Variants in TUT7 observed in about 807,000 individuals in gnomAD.
The protein encoded by TUT7 is terminal uridylyl transferase 7, also known as terminal uridylyltransferase 7.
Under a neutral mutation model 165.9 loss-of-function variants are expected in TUT7, and 33 were observed. The ratio of observed to expected loss-of-function variants is 0.20; its 90% CI spans 0.15 to 0.27. The LOEUF (loss-of-function observed/expected upper bound fraction) is 0.27, where lower values mean the gene tolerates loss of function less well. TUT7 is among the 10% of genes least tolerant of loss of function. The pLI is 1.00. For missense variants in TUT7, 1,338 were observed against 1,762.3 expected, an observed-to-expected ratio of 0.76 and a Z score of 4.31; for synonymous variants, 552 against 608.1, an observed-to-expected ratio of 0.91 and a Z score of 1.36.
chr9:86,330,091 C>T (rs791315), intron 10 of TUT7, among the ~76,000 whole-genome samples: 84,324 of 151,812 alleles, frequency 0.56, 23,635 homozygotes, highest in African/African-American at 0.56. Flanking sequence ...AGAGTCTCAC[C>T]CTGTTGCCCA....
At chr9:86,317,322 G>C in intron 16 of TUT7, 46 bp from the exon 17 acceptor site, 2 of 1,513,148 alleles carry the variant, frequency 1.3e-6, no homozygotes, top group Non-Finnish European at 1.8e-6. Context: ...CTGGAAGACA[G>C]GTTCTGAAAC....
rs1431434737 is a variant in TUT7 at position 86,288,502 on chromosome 9, A to G, written c.*175T>C. On this transcript the variant is annotated 3_prime_UTR_variant, in exon 27 of 27. Transcript: ENST00000375963. The stretch of plus-strand genomic sequence containing the variant: ...ATGGGGATGTGTGGTAGATAAGACT[A>G]TATTAAAAATTTTTCCTCATTAACA... 2.1e-6 allele frequency: 1 copy of G among 473,068 alleles called. No individual in the cohort carries two copies. The highest frequency in any genetic ancestry group is 1.9e-5 in the African/African-American group (1 of 51,864). 29.3% of individuals were successfully genotyped at this position (473,068 alleles called of 1,614,324 possible).
chr9:86,310,075 T>TA, intron 18 of TUT7, 58 bp from the exon 19 acceptor site: 1 of 1,462,888 alleles, frequency 6.8e-7, no homozygotes, highest in Non-Finnish European at 9.3e-7. Context: ...GGTCTCTTTT[T>TA]TTTTTTTGGT....
chr9:86,317,197 T>C, intron 17 of TUT7, 22 bp downstream of exon 17: 1 of 1,605,888 alleles, frequency 6.2e-7, no homozygotes. Context: ...GAAATATTTT[T>C]AGAAAAAGTT....
chr9:86,322,920 ACTGATC>A lies in TUT7; in HGVS notation c.2824_2829del (p.Asp942_Gln943del). 6.3e-7 allele frequency: 1 copy of A among 1,594,284 alleles called. No individual in the cohort carries two copies. Among genetic ancestry groups the A allele is most frequent in the Non-Finnish European group, 8.5e-7 (1 of 1,173,324 alleles). ...TTACTGAATTCATAAAAAAAATCAGACTGATCCACAGGTGAATTTTTTTCTTCACAT... is the reference window on the plus strand; with the variant it reads ...TTACTGAATTCATAAAAAAAATCAGACACAGGTGAATTTTTTTCTTCACAT... On this transcript the variant is annotated inframe_deletion, in exon 13 of 27. Coordinates refer to ENST00000375963, the MANE Select transcript of TUT7 (RefSeq NM_024617.4).
chr9:86,352,646 T>G (rs1564106832), intron 2 of TUT7, 34 bp downstream of exon 2: 2 of 1,612,180 alleles, frequency 1.2e-6, no homozygotes, highest in Non-Finnish European at 1.7e-6. Context: ...TTGCTGACTC[T>G]GGGGTTGTGA....
chr9:86,325,011 T>C (rs551662318), intron 12 of TUT7, among the ~76,000 whole-genome samples: 20 of 152,076 alleles, frequency 1.3e-4, no homozygotes, highest in Non-Finnish European at 2.9e-4. Flanking sequence ...GAGGTGAGAA[T>C]GGTAAAGAGG....
chr9:86,343,693 T>C (rs1245386417), intron 5 of TUT7, among the ~76,000 whole-genome samples: 2 of 152,204 alleles, frequency 1.3e-5, no homozygotes, highest in Non-Finnish European at 2.9e-5. Flanking sequence ...TCTCATTATA[T>C]TATGAACAAA....
intron 11 of TUT7, among the ~76,000 whole-genome samples, chr9:86,325,812 GGA>G (rs1168378342): frequency 2.0e-5 from 3 of 152,220 alleles, no homozygotes; most frequent in Non-Finnish European, 4.4e-5. Flanking sequence ...AATAACAGGT[GGA>G]GAGGACTGTG....
chr9:86,305,059 G>T, intron 23 of TUT7, 112 bp from the exon 24 acceptor site: 1 of 1,174,906 alleles, frequency 8.5e-7, no homozygotes, highest in Non-Finnish European at 1.2e-6. Context: ...ACTCTGGGAG[G>T]CTGGGGTAGG....
chr9:86,323,426 C>T lies in TUT7; in HGVS notation c.2324G>A (p.Cys775Tyr), dbSNP rs916094979. 3 of 1,614,112 alleles carry T rather than the reference C, an allele frequency of 1.9e-6. No individual in the cohort carries two copies. The highest frequency in any genetic ancestry group is 2.7e-5 in the African/African-American group (2 of 74,944). The change falls in exon 13 of 27, where the codon TGT becomes TAT. Residue 775 changes from cysteine (C) to tyrosine (Y), a missense_variant. Physicochemically the swap from Cys to Tyr is radical, Grantham distance 194. This residue lies in a region of TUT7 where 425 missense variants were observed against 474.9 expected (regional missense o/e 0.89). Coordinates refer to ENST00000375963, the MANE Select transcript of TUT7 (RefSeq NM_024617.4). ...VDQKRGEHVVCGSTRNNESES... is the reference protein window; with the variant it reads ...VDQKRGEHVVYGSTRNNESES... ...TGACTCATTATTACGTGTGCTGCCA[C>T]AGACAACATGCTCTCCACGTTTCTG...
chr9:86,330,531 A>T (rs933211244), intron 10 of TUT7, among the ~76,000 whole-genome samples: 4 of 152,218 alleles, frequency 2.6e-5, no homozygotes, highest in African/African-American at 9.6e-5. Context: ...TATTTTTCTC[A>T]ACTGGGTAGC....
intron 11 of TUT7, among the ~76,000 whole-genome samples, chr9:86,327,908 T>A (rs565288753): frequency 6.6e-6 from 1 of 152,334 alleles, no homozygotes; most frequent in Admixed American, 6.5e-5. Context: ...TTGTTTGAAA[T>A]TCTAATGGCT....
chr9:86,288,490 G>C lies in TUT7; in HGVS notation c.*187C>G, dbSNP rs769633910. 5.3e-5 allele frequency: 23 copies of C among 436,880 alleles called. No individual in the cohort carries two copies. The highest frequency in any genetic ancestry group is 9.0e-5 in the Non-Finnish European group (22 of 243,108). The allele number at this position is 436,880 out of a possible 1,614,324, so 27.1% of individuals were successfully genotyped here. On this transcript the variant is annotated 3_prime_UTR_variant, in exon 27 of 27. Coordinates refer to ENST00000375963, the MANE Select transcript of TUT7 (RefSeq NM_024617.4). ...ATCCTTAAATCTATGGGGATGTGTG[G>C]TAGATAAGACTATATTAAAAATTTT...
At chr9:86,338,266 C>T (rs1831008254) in intron 9 of TUT7, among the ~76,000 whole-genome samples, 1 of 145,686 alleles carries the variant, frequency 6.9e-6, no homozygotes, top group Non-Finnish European at 1.5e-5. Flanking sequence ...GGGTGGAGTG[C>T]AGTGGCACGA....
At chr9:86,353,328 T>C in intron 1 of TUT7, 98 bp from the exon 2 acceptor site, 1 of 978,798 alleles carries the variant, frequency 1.0e-6, no homozygotes, top group Non-Finnish European at 1.4e-6. Flanking sequence ...CCAAAGCCTG[T>C]AAGAAAGAAA....
In TUT7 at chr9:86,309,236, A is replaced by G; in HGVS notation, c.3636T>C (p.Tyr1212=). The part of the protein sequence containing the change: ...PEIFVDGWNI[Y]FFDQIDELPT... ...CCAGTTCATCTATTTGATCAAAAAAATAAATATTCCAGCCATCAACAAATA... is the reference window on the plus strand; with the variant it reads ...CCAGTTCATCTATTTGATCAAAAAAGTAAATATTCCAGCCATCAACAAATA... The change falls in exon 21 of 27, where the codon TAT becomes TAC. Residue 1212 remains tyrosine (Y), a synonymous_variant. Coordinates refer to ENST00000375963, the MANE Select transcript of TUT7 (RefSeq NM_024617.4). 2 of 1,574,678 alleles carry G rather than the reference A, an allele frequency of 1.3e-6. No homozygotes were observed. Among genetic ancestry groups the G allele is most frequent in the Non-Finnish European group, 1.7e-6 (2 of 1,149,268 alleles).
At chr9:86,294,441 A>AT (rs1296667071) in intron 26 of TUT7, among the ~76,000 whole-genome samples, 1 of 152,086 alleles carries the variant, frequency 6.6e-6, no homozygotes, top group Non-Finnish European at 1.5e-5. Flanking sequence ...CATCACTGTG[A>AT]TTTTTTGTCA....
chr9:86,315,208 A>T (rs995697671), intron 17 of TUT7, among the ~76,000 whole-genome samples: 1 of 152,246 alleles, frequency 6.6e-6, no homozygotes, highest in Non-Finnish European at 1.5e-5. Flanking sequence ...TGTTTTAAAG[A>T]TATGAAGTTT....
Sources: allele counts gnomAD v4.1 joint callset (sites outside exome capture counted in the v4.1 genomes callset), GRCh38; gene constraint gnomAD v4.1.1; regional missense constraint gnomAD v4.1.1; transcripts MANE v1.5; gene names NCBI Gene and HGNC (gene_info 2026-07-23, HGNC 2026-07-21).